GANC: variants seen among roughly 807,000 people sequenced by gnomAD.
GANC encodes the protein neutral alpha-glucosidase C.
A neutral mutation model predicts 124.2 loss-of-function variants in GANC; 117 were observed. That is an observed-to-expected ratio of 0.94 (90% CI 0.81 to 1.10). The LOEUF (loss-of-function observed/expected upper bound fraction) is 1.10. GANC is among the 50% of genes least tolerant of loss of function. The probability of loss-of-function intolerance (pLI) is 0.00; values close to 1 mark genes in which losing one functional copy is unlikely to be tolerated. For missense variants in GANC, 1,140 were observed against 1,095.0 expected (o/e 1.04, Z -0.58); for synonymous variants, 377 against 376.8 (o/e 1.00, Z -0.01).
intron 11 of GANC, among the ~76,000 whole-genome samples, chr15:42,323,689 G>A (rs1195988716): frequency 1.3e-5 from 2 of 152,112 alleles, no homozygotes; most frequent in Non-Finnish European, 2.9e-5. Flanking sequence ...TTTTAGTAGA[G>A]ATGGGGTTTC....
chr15:42,314,187 G>C, intron 10 of GANC: 2 of 759,842 alleles, frequency 2.6e-6, no homozygotes, highest in South Asian at 2.7e-5. Context: ...GGACAAGTTG[G>C]CCAGAAAATA....
At chr15:42,342,101 A>G (rs2052332524) in intron 18 of GANC, among the ~76,000 whole-genome samples, 2 of 151,832 alleles carry the variant, frequency 1.3e-5, no homozygotes, top group African/African-American at 2.4e-5. Context: ...CTAACTGTAA[A>G]CTCCGTAAGG....
intron 10 of GANC, among the ~76,000 whole-genome samples, chr15:42,319,555 T>C (rs2052139296): frequency 6.6e-6 from 1 of 152,022 alleles, no homozygotes. Flanking sequence ...AGATGGGGTC[T>C]TGCTCTGTTG....
Position 42,273,558 on chromosome 15 carries a change from T to C in GANC, c.-924T>C. The C allele has an allele frequency of 7.6e-7, 1 of 1,307,656 alleles. No individual in the cohort carries two copies. The highest frequency in any genetic ancestry group is 1.0e-6 in the Non-Finnish European group (1 of 972,878). 81.0% of individuals were successfully genotyped at this position (1,307,656 alleles called of 1,614,324 possible). On this transcript the variant is annotated 5_prime_UTR_variant, in exon 1 of 24. Coordinates refer to ENST00000318010, the MANE Select transcript of GANC (RefSeq NM_198141.3). ...GCGGCCCCTCTCTCAGACAGTCGTCTGTGCGCCGTGAGACTTTGGACCTAC... is the reference window on the plus strand; with the variant it reads ...GCGGCCCCTCTCTCAGACAGTCGTCCGTGCGCCGTGAGACTTTGGACCTAC...
At chr15:42,323,518 T>TG (rs1182097462) in intron 11 of GANC, among the ~76,000 whole-genome samples, 235 of 63,426 alleles carry the variant, frequency 3.7e-3, no homozygotes, top group Non-Finnish European at 6.0e-3. Flanking sequence ...TAATTTTTTT[T>TG]TGGGGACAGA....
Position 42,353,543 on chromosome 15 carries a change from C to T in GANC, c.*1404C>T. ...CGTTCTCCTACTAGATTGTATGTCC[C>T]TCAAGAGCATGTTCTGTTTCTCTTC... On this transcript the variant is annotated 3_prime_UTR_variant, in exon 24 of 24. Coordinates refer to ENST00000318010, the MANE Select transcript of GANC (RefSeq NM_198141.3). 1 of 983,318 alleles carries T rather than the reference C, an allele frequency of 1.0e-6. No homozygotes were observed. The highest frequency in any genetic ancestry group is 4.7e-5 in the South Asian group (1 of 21,216). The allele number at this position is 983,318 out of a possible 1,614,324, so 60.9% of individuals were successfully genotyped here.
chr15:42,279,286 G>A (rs1293743287), intron 3 of GANC, among the ~76,000 whole-genome samples: 1 of 152,124 alleles, frequency 6.6e-6, no homozygotes, highest in Non-Finnish European at 1.5e-5. Context: ...TGTCACCCAC[G>A]TGCTTTCTAA....
chr15:42,310,880 T>G, intron 10 of GANC, 34 bp downstream of exon 10: 1 of 1,598,286 alleles, frequency 6.3e-7, no homozygotes, highest in Non-Finnish European at 8.6e-7. Flanking sequence ...TTTCTTGTTC[T>G]GTTACATATC....
intron 2 of GANC, among the ~76,000 whole-genome samples, chr15:42,277,107 G>T (rs1381344838): frequency 1.3e-5 from 2 of 152,082 alleles, no homozygotes; most frequent in African/African-American, 4.8e-5. Context: ...TACACATGCA[G>T]GTGTATTTAT....
chr15:42,310,941 A>G, intron 10 of GANC, 95 bp downstream of exon 10: 1 of 1,349,860 alleles, frequency 7.4e-7, no homozygotes, highest in African/African-American at 1.4e-5. Flanking sequence ...TATACTATGT[A>G]GAGTTTATAA....
intron 21 of GANC, among the ~76,000 whole-genome samples, chr15:42,348,664 G>A (rs111825482): frequency 0.097 from 14,760 of 152,276 alleles, 841 homozygotes; most frequent in South Asian, 0.18. Flanking sequence ...GGATCCAGAA[G>A]TGATGTGTCC....
intron 19 of GANC, chr15:42,344,857 C>T (rs770972751): frequency 1.1e-4 from 16 of 152,222 alleles, no homozygotes; most frequent in Non-Finnish European, 1.3e-4. Context: ...GGCTCCCTTT[C>T]CGACTTAGTC....
At chr15:42,339,592 C>A in intron 16 of GANC, 77 bp from the exon 17 acceptor site, 1 of 1,546,834 alleles carries the variant, frequency 6.5e-7, no homozygotes, top group Non-Finnish European at 8.7e-7. Context: ...TCCTGTCGGT[C>A]TTCAAGACCT....
At chr15:42,338,276 A>G (rs2052299268) in intron 15 of GANC, 113 bp from the exon 16 acceptor site, 1 of 576,502 alleles carries the variant, frequency 1.7e-6, no homozygotes, top group Admixed American at 3.6e-5. Context: ...TTTTAAGGCA[A>G]GAAATTGGTT....
Position 42,273,247 on chromosome 15 carries a change from A to C in GANC, c.-1235A>C, listed in dbSNP as rs1337676526. 9.9e-6 allele frequency: 16 copies of C among 1,613,958 alleles called. No homozygotes were observed. The African/African-American group carries it at 1.3e-4, about 13-fold the overall frequency. ...CTAGGTTCAGACGTTAGTGAAGTGAATACTCACCGACGGTATCGGAATGTG... is the reference window on the plus strand; with the variant it reads ...CTAGGTTCAGACGTTAGTGAAGTGACTACTCACCGACGGTATCGGAATGTG... On this transcript the variant is annotated 5_prime_UTR_variant, in exon 1 of 24. Coordinates refer to ENST00000318010, the MANE Select transcript of GANC (RefSeq NM_198141.3).
intron 5 of GANC, among the ~76,000 whole-genome samples, chr15:42,297,217 G>T (rs2051900319): frequency 6.6e-6 from 1 of 152,074 alleles, no homozygotes; most frequent in South Asian, 2.1e-4. Flanking sequence ...AATAAAAAAT[G>T]ATAAAAGTAT....
intron 18 of GANC, among the ~76,000 whole-genome samples, chr15:42,342,473 C>T (rs891915021): frequency 6.6e-6 from 1 of 152,098 alleles, no homozygotes; most frequent in Non-Finnish European, 1.5e-5. Context: ...ATCCTAGCTA[C>T]TCAGAGGCTG....
In GANC at chr15:42,321,925, G is replaced by GTCT; in HGVS notation, c.1198_1199insTCT (p.Glu400delinsValTer). On this transcript the variant is annotated stop_gained and protein_altering_variant, in exon 11 of 24. Coordinates refer to ENST00000318010, the MANE Select transcript of GANC (RefSeq NM_198141.3). LOFTEE classifies it high-confidence loss of function. Reference sequence around the variant, plus strand: ...TTATGATGCCATGTGGCTGGACATAGAGCACACTGAGGGCAAGAGGTACTT... The same window carrying GTCT: ...TTATGATGCCATGTGGCTGGACATAGTCTAGCACACTGAGGGCAAGAGGTACTT... 1 of 1,614,194 alleles carries GTCT rather than the reference G, an allele frequency of 6.2e-7. No homozygotes were observed.
chr15:42,287,897 G>A, intron 4 of GANC, 79 bp downstream of exon 4: 1 of 1,457,412 alleles, frequency 6.9e-7, no homozygotes, highest in Non-Finnish European at 9.3e-7. Context: ...ATTTTGTTAT[G>A]TGCACTTCTT....
Sources: gnomAD v4.1 joint callset for allele counts (sites outside exome capture counted in the v4.1 genomes callset) on GRCh38, gnomAD v4.1.1 for gene constraint, MANE v1.5 for transcripts, NCBI Gene and HGNC (gene_info 2026-07-23, HGNC 2026-07-21) for gene names.